NUDT3: variants seen among roughly 807,000 people sequenced by gnomAD.
NUDT3 encodes nudix hydrolase 3, also known as diphosphoinositol polyphosphate phosphohydrolase 1.
Under a neutral mutation model 23.6 loss-of-function variants are expected in NUDT3, and 9 were observed. The ratio of observed to expected loss-of-function variants is 0.38; its 90% CI spans 0.23 to 0.66. NUDT3 has a LOEUF of 0.66. Ranked by LOEUF, NUDT3 falls within the 30% of genes least tolerant of loss-of-function variation. The pLI is 0.52. For missense variants in NUDT3, 172 were observed against 218.5 expected (o/e 0.79, Z 1.34); for synonymous variants, 86 against 82.6 (o/e 1.04, Z -0.22).
chr6:34,351,470 G>A (rs1423482463), intron 1 of NUDT3, among the ~76,000 whole-genome samples: 5 of 148,178 alleles, frequency 3.4e-5, no homozygotes, highest in East Asian at 1.9e-4. Flanking sequence ...GGCCAGGCGC[G>A]GTGGCTCATG....
intron 1 of NUDT3, among the ~76,000 whole-genome samples, chr6:34,388,940 A>G (rs188878263): frequency 1.3e-5 from 2 of 152,356 alleles, no homozygotes; most frequent in Admixed American, 1.3e-4. Flanking sequence ...AGGAAACTCA[A>G]TGCATTAAAG....
chr6:34,348,148 C>T (rs1054118322), intron 1 of NUDT3, among the ~76,000 whole-genome samples: 2 of 151,550 alleles, frequency 1.3e-5, no homozygotes, highest in African/African-American at 2.4e-5. Flanking sequence ...TAGCTGGGCA[C>T]GATGGTGTGA....
intron 1 of NUDT3, among the ~76,000 whole-genome samples, chr6:34,386,054 A>G (rs1464100535): frequency 6.6e-6 from 1 of 152,222 alleles, no homozygotes; most frequent in East Asian, 1.9e-4. Flanking sequence ...ATGAACATAA[A>G]CAGATAAAGG....
rs1276595344 is a variant in NUDT3, at chr6:34,392,250, G to A, written c.99+14C>T. On this transcript the variant is annotated intron_variant, in intron 1 of 4. Coordinates refer to ENST00000607016, the MANE Select transcript of NUDT3 (RefSeq NM_006703.4). Reference sequence around the variant, plus strand: ...AGACCCGGCGACCCCGGCCCGCCCAGCCTGCCGCCTCACCTCCTCCTCGCT... The same window carrying A: ...AGACCCGGCGACCCCGGCCCGCCCAACCTGCCGCCTCACCTCCTCCTCGCT... 6.3e-6 allele frequency: 10 copies of A among 1,574,856 alleles called. No homozygotes were observed. Among genetic ancestry groups the A allele is most frequent in the Non-Finnish European group, 7.7e-6 (9 of 1,167,102 alleles).
chr6:34,375,168 C>G (rs1373813998), intron 1 of NUDT3, among the ~76,000 whole-genome samples: 2 of 152,036 alleles, frequency 1.3e-5, no homozygotes, highest in African/African-American at 4.8e-5. Flanking sequence ...CACGGTGAAA[C>G]CCCATCTCTA....
chr6:34,326,997 G>A lies in NUDT3; in HGVS notation c.210+14865C>T, dbSNP rs206929. On this transcript the variant is annotated intron_variant, in intron 2 of 4. Transcript: ENST00000607016. ...ACAAAGAGATAAAGAGAAAACAGCT[G>A]GGCCCGGGGGGACTACTACCACCAA... is the stretch of plus-strand genomic sequence containing the variant. Among the ~76,000 whole-genome samples, 346 of 152,188 alleles carry A rather than the reference G, an allele frequency of 2.3e-3. 2 individuals are homozygous for A. Among genetic ancestry groups the A allele is most frequent in the African/African-American group, 7.9e-3 (328 of 41,528 alleles).
At chr6:34,362,303 G>A (rs7738665) in intron 1 of NUDT3, among the ~76,000 whole-genome samples, 13,286 of 151,846 alleles carry the variant, frequency 0.087, 716 homozygotes, top group Non-Finnish European at 0.12. Context: ...CTCAGCCTCC[G>A]GAGTAGCTGG....
At chr6:34,371,917 C>T (rs530159358) in intron 1 of NUDT3, among the ~76,000 whole-genome samples, 135 of 152,282 alleles carry the variant, frequency 8.9e-4, no homozygotes, top group African/African-American at 2.9e-3. Flanking sequence ...CAACAGGCCC[C>T]GGTGTGTGAT....
intron 1 of NUDT3, among the ~76,000 whole-genome samples, chr6:34,389,915 G>A (rs1765168465): frequency 6.6e-6 from 1 of 151,138 alleles, no homozygotes; most frequent in African/African-American, 2.4e-5. Context: ...AGTGAGCCGA[G>A]ATGGTGCCAC....
At chr6:34,358,819 CA>C (rs1554156527) in intron 1 of NUDT3, among the ~76,000 whole-genome samples, 4 of 149,588 alleles carry the variant, frequency 2.7e-5, no homozygotes, top group Admixed American at 2.0e-4. Context: ...AACATGAGAA[CA>C]AAAAAAAGAG....
intron 2 of NUDT3, among the ~76,000 whole-genome samples, chr6:34,326,995 C>A (rs993198770): frequency 2.0e-5 from 3 of 152,092 alleles, no homozygotes; most frequent in African/African-American, 7.2e-5. Context: ...GAGAAAACAG[C>A]TGGGCCCGGG....
At chr6:34,364,803 G>T (rs376211603) in intron 1 of NUDT3, among the ~76,000 whole-genome samples, 1 of 152,128 alleles carries the variant, frequency 6.6e-6, no homozygotes, top group Admixed American at 6.6e-5. Context: ...GGAGGCTGAG[G>T]CGGGCGGATC....
intron 2 of NUDT3, among the ~76,000 whole-genome samples, chr6:34,324,679 T>C (rs556555909): frequency 1.4e-4 from 22 of 152,366 alleles, no homozygotes; most frequent in South Asian, 6.2e-4. Flanking sequence ...GTAATAACAT[T>C]ATGAATACCA....
At chr6:34,327,738 C>A (rs1764063647) in intron 2 of NUDT3, among the ~76,000 whole-genome samples, 1 of 152,076 alleles carries the variant, frequency 6.6e-6, no homozygotes, top group Non-Finnish European at 1.5e-5. Flanking sequence ...TCCAACCTCC[C>A]ACAAGAAGCA....
intron 1 of NUDT3, among the ~76,000 whole-genome samples, chr6:34,383,931 C>A (rs966267800): frequency 2.0e-5 from 3 of 152,084 alleles, no homozygotes; most frequent in Non-Finnish European, 4.4e-5. Context: ...CCAGTCATGA[C>A]GGGATCAATG....
Position 34,297,683 on chromosome 6 carries a change from G to A in NUDT3, c.211-1998C>T, listed in dbSNP as rs576261383. On this transcript the variant is annotated intron_variant, in intron 2 of 4. Transcript: ENST00000607016. The stretch of plus-strand genomic sequence containing the variant: ...CTCCTGAGTAGCTGGCACCACAGGT[G>A]TCCTACAGGTGCACATCACTACACC... 2.1e-5 allele frequency among the ~76,000 whole-genome samples: 3 copies of A among 140,210 alleles called. No individual in the cohort carries two copies. In the Admixed American group the frequency reaches 2.2e-4, roughly 10 times the overall value. The allele number at this position is 140,210 out of a possible 152,430, so 92.0% of individuals were successfully genotyped here. A position where few individuals can be genotyped will look rare whatever the true frequency, so the allele number is the denominator to read the frequency against.
Position 34,357,475 on chromosome 6 carries a change from G to C in NUDT3, c.100-15503C>G, listed in dbSNP as rs923468961. ...AAAAACTAAAAAATTAGCGGGGCAT[G>C]GTAGTGAGCACCTGTAGTCTCAGCA... On this transcript the variant is annotated intron_variant, in intron 1 of 4. Coordinates refer to ENST00000607016, the MANE Select transcript of NUDT3 (RefSeq NM_006703.4). Among the ~76,000 whole-genome samples the C allele has an allele frequency of 3.9e-5, 6 of 152,080 alleles. No homozygotes were observed. The East Asian group carries it at 7.8e-4, about 20-fold the overall frequency.
intron 2 of NUDT3, among the ~76,000 whole-genome samples, chr6:34,338,925 G>A (rs1355549726): frequency 6.6e-6 from 1 of 152,106 alleles, no homozygotes; most frequent in Non-Finnish European, 1.5e-5. Flanking sequence ...ATTTATTAAG[G>A]GATAAAAATA....
At chr6:34,363,467 T>C (rs1764679615) in intron 1 of NUDT3, among the ~76,000 whole-genome samples, 1 of 152,204 alleles carries the variant, frequency 6.6e-6, no homozygotes, top group Non-Finnish European at 1.5e-5. Flanking sequence ...ATTTTTATCC[T>C]AACTCATGAA....
Sources: gnomAD v4.1 joint callset for allele counts (sites outside exome capture counted in the v4.1 genomes callset) on GRCh38, gnomAD v4.1.1 for gene constraint, MANE v1.5 for transcripts, NCBI Gene and HGNC (gene_info 2026-07-23, HGNC 2026-07-21) for gene names.